SDK2: variants seen among roughly 807,000 people sequenced by gnomAD.
SDK2 encodes the protein protein sidekick-2.
Under a neutral mutation model 253.9 loss-of-function variants are expected in SDK2, and 105 were observed. The ratio of observed to expected loss-of-function variants is 0.41; its 90% CI spans 0.35 to 0.49. SDK2 has a LOEUF of 0.49. Among genes scored for constraint, SDK2 ranks in the 20% least tolerant of loss-of-function variants. The probability of loss-of-function intolerance (pLI) is 0.06; values close to 1 mark genes in which losing one functional copy is unlikely to be tolerated. For synonymous variants in SDK2, 1,249 were observed against 1,234.9 expected (o/e 1.01, Z -0.24); for missense variants, 2,608 against 3,003.0 (o/e 0.87, Z 3.07).
At chr17:73,627,969 A>G (rs898766422) in intron 1 of SDK2, among the ~76,000 whole-genome samples, 20 of 152,256 alleles carry the variant, frequency 1.3e-4, no homozygotes, top group African/African-American at 3.6e-4. Context: ...GGAGAATGGC[A>G]TGAACCCGGG....
intron 4 of SDK2, among the ~76,000 whole-genome samples, chr17:73,450,884 G>A (rs2063486012): frequency 1.3e-5 from 2 of 152,224 alleles, no homozygotes; most frequent in Admixed American, 6.5e-5. Flanking sequence ...TGTCAAGAGC[G>A]CCATGCCTGA....
At chr17:73,615,939 A>G (rs1736847473) in intron 1 of SDK2, among the ~76,000 whole-genome samples, 1 of 152,224 alleles carries the variant, frequency 6.6e-6, no homozygotes, top group African/African-American at 2.4e-5. Context: ...ACAAATACAC[A>G]TGCATGTGAC....
chr17:73,591,220 A>T (rs2045677620), intron 1 of SDK2, among the ~76,000 whole-genome samples: 1 of 152,080 alleles, frequency 6.6e-6, no homozygotes, highest in East Asian at 1.9e-4. Context: ...ACCCGGTCTT[A>T]ACTGTTTCTA....
intron 1 of SDK2, among the ~76,000 whole-genome samples, chr17:73,579,973 C>T (rs529560202): frequency 2.8e-5 from 4 of 144,570 alleles, no homozygotes; most frequent in South Asian, 2.3e-4. Context: ...AGCGAAACCC[C>T]GTCTCAAAAA....
intron 44 of SDK2, among the ~76,000 whole-genome samples, chr17:73,343,992 CG>C (rs1859884724): frequency 6.6e-6 from 1 of 152,188 alleles, no homozygotes; most frequent in Admixed American, 6.5e-5. Flanking sequence ...AAGCCGGCAG[CG>C]CATCTGTGCG....
Position 73,483,709 on chromosome 17 carries a change from T to TA in SDK2, c.225-11492_225-11491insT, listed in dbSNP as rs1567799614. Among the ~76,000 whole-genome samples the TA allele has an allele frequency of 1.8e-3, 141 of 80,174 alleles. 7 individuals carry two copies. The East Asian group carries it at 0.034, about 19-fold the overall frequency. The allele number at this position is 80,174 out of a possible 152,430, so 52.6% of individuals were successfully genotyped here. On this transcript the variant is annotated intron_variant, in intron 2 of 44. Transcript: ENST00000392650. The stretch of plus-strand genomic sequence containing the variant: ...TATATATATATATATATATATATAT[T>TA]TTTTTTTTTTTTTAGTAGAGTTGGG...
At chr17:73,638,967 G>A (rs1408940498) in intron 1 of SDK2, among the ~76,000 whole-genome samples, 7 of 151,894 alleles carry the variant, frequency 4.6e-5, no homozygotes, top group South Asian at 4.2e-4. Context: ...CCACTACCAC[G>A]CCTGGCTAAT....
chr17:73,483,477 CTTTGTG>C (rs1567798713), intron 2 of SDK2, among the ~76,000 whole-genome samples: 1 of 105,608 alleles, frequency 9.5e-6, no homozygotes, highest in Non-Finnish European at 1.8e-5. Flanking sequence ...CCTGGCTAAT[CTTTGTG>C]TGTGTGTGTG....
chr17:73,477,731 T>C (rs1014307247), intron 2 of SDK2, among the ~76,000 whole-genome samples: 4 of 152,080 alleles, frequency 2.6e-5, no homozygotes, highest in Non-Finnish European at 5.9e-5. Flanking sequence ...TAGGGGAGCA[T>C]GGAGTCCCCT....
At chr17:73,415,313 C>G (rs2063171156) in intron 17 of SDK2, among the ~76,000 whole-genome samples, 1 of 151,616 alleles carries the variant, frequency 6.6e-6, no homozygotes, top group Non-Finnish European at 1.5e-5. Context: ...GAAGCACCTG[C>G]TCCTCTGAGG....
intron 1 of SDK2, among the ~76,000 whole-genome samples, chr17:73,601,830 GC>G (rs1228789637): frequency 6.6e-6 from 1 of 151,754 alleles, no homozygotes; most frequent in Admixed American, 6.6e-5. Flanking sequence ...TGCAGCCTCC[GC>G]CTCCTGGGTT....
intron 30 of SDK2, 37 bp downstream of exon 30, chr17:73,387,799 G>A (rs200043982): frequency 1.2e-4 from 184 of 1,502,216 alleles, no homozygotes; most frequent in East Asian, 6.4e-4. Context: ...GGCGGGGAGA[G>A]GGGCAGTGGG....
chr17:73,358,068 G>T lies in SDK2; in HGVS notation c.5593+11C>A. ...AGCTGTGGGGTCTCAGCCCAGCAGG[G>T]CGGGGCGCACCTGAAGGTCTGGCCT... On this transcript the variant is annotated intron_variant, in intron 40 of 44. Transcript: ENST00000392650. 6.2e-7 allele frequency: 1 copy of T among 1,613,158 alleles called. No individual in the cohort carries two copies. Among genetic ancestry groups the T allele is most frequent in the Admixed American group, 1.7e-5 (1 of 59,956 alleles).
chr17:73,562,728 G>A (rs2045255499), intron 1 of SDK2, among the ~76,000 whole-genome samples: 1 of 152,162 alleles, frequency 6.6e-6, no homozygotes, highest in African/African-American at 2.4e-5. Context: ...CACAGAGAAA[G>A]AAGTAAGAAA....
At chr17:73,637,567 C>G (rs1489534648) in intron 1 of SDK2, among the ~76,000 whole-genome samples, 4 of 152,112 alleles carry the variant, frequency 2.6e-5, no homozygotes, top group Admixed American at 6.5e-5. Flanking sequence ...TTAGTAGAGA[C>G]AGGGTTTTGC....
intron 20 of SDK2, 61 bp from the exon 21 acceptor site, chr17:73,401,272 T>C: frequency 7.1e-7 from 1 of 1,417,424 alleles, no homozygotes; most frequent in Non-Finnish European, 9.6e-7. Context: ...CCTGACCCAC[T>C]ACTCCACTTC....
At chr17:73,484,611 A>C (rs558602096) in intron 2 of SDK2, among the ~76,000 whole-genome samples, 2 of 152,164 alleles carry the variant, frequency 1.3e-5, no homozygotes, top group East Asian at 1.9e-4. Flanking sequence ...CCTTAAAACG[A>C]CAGAAATTTC....
chr17:73,575,390 G>A (rs993249995), intron 1 of SDK2, among the ~76,000 whole-genome samples: 1 of 152,156 alleles, frequency 6.6e-6, no homozygotes, highest in Non-Finnish European at 1.5e-5. Context: ...TCTTTCACTC[G>A]TTCATTCACC....
At chr17:73,378,717 G>A (rs886106293) in intron 36 of SDK2, among the ~76,000 whole-genome samples, 4 of 152,158 alleles carry the variant, frequency 2.6e-5, no homozygotes, top group Non-Finnish European at 5.9e-5. Context: ...ACCGCGCCCA[G>A]CCTAGAAATG....
Sources: allele counts gnomAD v4.1 joint callset (sites outside exome capture counted in the v4.1 genomes callset), GRCh38; gene constraint gnomAD v4.1.1; transcripts MANE v1.5; gene names NCBI Gene and HGNC (gene_info 2026-07-23, HGNC 2026-07-21).